PHKB: variants seen among roughly 807,000 people sequenced by gnomAD.
PHKB encodes the protein phosphorylase kinase regulatory subunit beta, also known as phosphorylase b kinase regulatory subunit beta.
A neutral mutation model predicts 152.1 loss-of-function variants in PHKB; 122 were observed. That is an observed-to-expected ratio of 0.80 (90% confidence interval 0.69 to 0.93). The LOEUF is 0.93. PHKB is among the 40% of genes least tolerant of loss of function. The pLI is 0.00. For synonymous variants in PHKB, 436 were observed against 464.9 expected (o/e 0.94, Z 0.80); for missense variants, 1,304 against 1,328.4 (o/e 0.98, Z 0.29).
intron 4 of PHKB, among the ~76,000 whole-genome samples, chr16:47,504,804 G>T (rs965856157): frequency 1.3e-5 from 2 of 152,248 alleles, no homozygotes; most frequent in Non-Finnish European, 2.9e-5. Flanking sequence ...GTGAAGGCCA[G>T]CGCACTCCCT....
chr16:47,461,341 C>G lies in PHKB; in HGVS notation c.-10C>G. On this transcript the variant is annotated 5_prime_UTR_variant, in exon 1 of 31. Coordinates refer to ENST00000323584, the MANE Select transcript of PHKB (RefSeq NM_000293.3). ...CCGGGGGCGGTGGCCAAGGCGGCGA[C>G]CGGAGCGCGATGGCGGGGGCGGCGG... 6.2e-7 allele frequency: 1 copy of G among 1,605,988 alleles called. No individual in the cohort carries two copies. Among genetic ancestry groups the G allele is most frequent in the Non-Finnish European group, 8.5e-7 (1 of 1,176,784 alleles).
At chr16:47,603,615 T>C (rs1434376690) in intron 13 of PHKB, among the ~76,000 whole-genome samples, 1 of 151,822 alleles carries the variant, frequency 6.6e-6, no homozygotes, top group Non-Finnish European at 1.5e-5. Flanking sequence ...GCAATCCTCC[T>C]GCCTCAGCCT....
intron 16 of PHKB, among the ~76,000 whole-genome samples, chr16:47,646,641 A>G (rs1407875141): frequency 6.6e-6 from 1 of 151,486 alleles, no homozygotes; most frequent in East Asian, 1.9e-4. Context: ...ATGCTGAACC[A>G]CAAAATATTT....
intron 27 of PHKB, among the ~76,000 whole-genome samples, chr16:47,693,007 A>C (rs1974088799): frequency 6.6e-6 from 1 of 152,124 alleles, no homozygotes; most frequent in Non-Finnish European, 1.5e-5. Flanking sequence ...GCCTTCATGG[A>C]GCTTACATTT....
intron 14 of PHKB, among the ~76,000 whole-genome samples, chr16:47,628,992 C>A: frequency 6.6e-6 from 1 of 152,156 alleles, no homozygotes. Flanking sequence ...GAAACTGGAT[C>A]CCTACCTTAC....
At chr16:47,527,049 A>C (rs1970780217) in intron 6 of PHKB, among the ~76,000 whole-genome samples, 1 of 152,116 alleles carries the variant, frequency 6.6e-6, no homozygotes, top group Non-Finnish European at 1.5e-5. Context: ...ATGAGAACTC[A>C]CCCACTATCT....
Position 47,596,546 on chromosome 16 carries a change from T to C in PHKB, c.1363+15T>C. On this transcript the variant is annotated intron_variant, in intron 13 of 30. Coordinates refer to ENST00000323584, the MANE Select transcript of PHKB (RefSeq NM_000293.3). ...AAAACTCCTGGGTAAGTGGAGAAGA[T>C]TGGGAATGGTATTTTTTTCCTTGTT... 1.2e-6 allele frequency: 2 copies of C among 1,610,086 alleles called. No individual in the cohort carries two copies. The highest frequency in any genetic ancestry group is 1.7e-6 in the Non-Finnish European group (2 of 1,176,770).
rs1385645520 is a variant in PHKB at position 47,503,109 on chromosome 16, G to A, written c.405+19G>A. Reference sequence around the variant, plus strand: ...CGATAAGGTAAAACATTGTGGTGTGGACGGGAATTCTCCCATCATTCTGAA... The same window carrying A: ...CGATAAGGTAAAACATTGTGGTGTGAACGGGAATTCTCCCATCATTCTGAA... On this transcript the variant is annotated intron_variant, in intron 4 of 30. Transcript: ENST00000323584. 2 of 1,417,136 alleles carry A rather than the reference G, an allele frequency of 1.4e-6. No individual in the cohort carries two copies. Among genetic ancestry groups the A allele is most frequent in the Non-Finnish European group, 2.0e-6 (2 of 1,000,708 alleles). 87.8% of individuals were successfully genotyped at this position (1,417,136 alleles called of 1,614,324 possible).
At chr16:47,554,302 C>T (rs1971326789) in intron 7 of PHKB, among the ~76,000 whole-genome samples, 2 of 152,174 alleles carry the variant, frequency 1.3e-5, no homozygotes, top group Non-Finnish European at 2.9e-5. Context: ...TTCCCCATGA[C>T]TTTGTTTACA....
chr16:47,534,050 G>A (rs139898174), intron 6 of PHKB, among the ~76,000 whole-genome samples: 119 of 152,338 alleles, frequency 7.8e-4, no homozygotes, highest in East Asian at 6.4e-3. Flanking sequence ...TGGCTTGGGC[G>A]GCTGCAGTGG....
At chr16:47,675,932 T>C (rs914438796) in intron 26 of PHKB, 1 of 152,222 alleles carries the variant, frequency 6.6e-6, no homozygotes, top group East Asian at 1.9e-4. Flanking sequence ...GGGCTTGTGA[T>C]AGTGCCCCTC....
Position 47,696,551 on chromosome 16 carries a change from A to G in PHKB, c.3003+63A>G, listed in dbSNP as rs544002992. 3.2e-6 allele frequency: 3 copies of G among 927,842 alleles called. No individual in the cohort carries two copies. The African/African-American group carries it at 4.9e-5, about 15-fold the overall frequency. The allele number at this position is 927,842 out of a possible 1,614,324, so 57.5% of individuals were successfully genotyped here. A position where few individuals can be genotyped will look rare whatever the true frequency, so the allele number is the denominator to read the frequency against. On this transcript the variant is annotated intron_variant, in intron 29 of 30. Transcript: ENST00000323584. ...TTCTCTCTGCTCCGTGAAAACTAGT[A>G]TAAGGGAAACTGCCTATGAGACCCA... is the stretch of plus-strand genomic sequence containing the variant.
At chr16:47,542,990 A>G (rs996701342) in intron 6 of PHKB, among the ~76,000 whole-genome samples, 4 of 152,010 alleles carry the variant, frequency 2.6e-5, no homozygotes, top group African/African-American at 9.7e-5. Context: ...TATATCCTTT[A>G]TTTCCTTCTC....
chr16:47,598,950 A>G, intron 13 of PHKB: 1 of 1,485,594 alleles, frequency 6.7e-7, no homozygotes, highest in Non-Finnish European at 9.3e-7. Flanking sequence ...CATGTGGAGT[A>G]TTGCACACAG....
chr16:47,482,887 A>C (rs1037971749), intron 1 of PHKB, among the ~76,000 whole-genome samples: 1 of 151,174 alleles, frequency 6.6e-6, no homozygotes, highest in African/African-American at 2.4e-5. Flanking sequence ...TGCCTGACTA[A>C]ATTTTGTATT....
intron 20 of PHKB, among the ~76,000 whole-genome samples, chr16:47,654,822 G>A (rs1973305814): frequency 7.7e-6 from 1 of 130,498 alleles, no homozygotes; most frequent in South Asian, 3.0e-4. Flanking sequence ...GGAGGGGGGA[G>A]GGATAGCATT....
intron 1 of PHKB, among the ~76,000 whole-genome samples, chr16:47,475,538 G>A (rs1969853745): frequency 1.3e-5 from 2 of 152,062 alleles, no homozygotes; most frequent in East Asian, 3.9e-4. Context: ...ATTTGATTAG[G>A]GGACTTCATC....
intron 8 of PHKB, among the ~76,000 whole-genome samples, chr16:47,585,126 C>G (rs1482268044): frequency 6.6e-6 from 1 of 152,142 alleles, no homozygotes; most frequent in Non-Finnish European, 1.5e-5. Context: ...ATTATAGAAA[C>G]TTGGCTAGGG....
chr16:47,542,774 A>G (rs910379773), intron 6 of PHKB, among the ~76,000 whole-genome samples: 6 of 152,202 alleles, frequency 3.9e-5, no homozygotes, highest in Admixed American at 1.3e-4. Flanking sequence ...TGTGAATGGG[A>G]GTTTGCTCAT....
Sources: gnomAD v4.1 joint callset for allele counts (sites outside exome capture counted in the v4.1 genomes callset) on GRCh38, gnomAD v4.1.1 for gene constraint, MANE v1.5 for transcripts, NCBI Gene and HGNC (gene_info 2026-07-23, HGNC 2026-07-21) for gene names.